SEL1L3: variants seen among roughly 807,000 people sequenced by gnomAD.
The protein encoded by SEL1L3 is SEL1L family member 3.
SEL1L3 carries 76 observed loss-of-function variants against 142.8 expected under a neutral mutation model. The ratio of observed to expected loss-of-function variants is 0.53; its 90% confidence interval spans 0.44 to 0.64. The LOEUF is 0.64. Ranked by LOEUF, SEL1L3 falls within the 30% of genes least tolerant of loss-of-function variation. The pLI is 0.00. For synonymous variants in SEL1L3, 504 were observed against 519.6 expected (o/e 0.97, Z 0.41); for missense variants, 1,262 against 1,381.7 (o/e 0.91, Z 1.37).
intron 9 of SEL1L3, among the ~76,000 whole-genome samples, chr4:25,808,915 A>AT (rs1369651110): frequency 1.0e-3 from 20 of 19,490 alleles, no homozygotes; most frequent in African/African-American, 1.5e-3. Context: ...CTAAAAATAC[A>AT]AAAAAAAATT....
At chr4:25,828,005 GAGA>G (rs1195960196) in intron 6 of SEL1L3, among the ~76,000 whole-genome samples, 1 of 152,166 alleles carries the variant, frequency 6.6e-6, no homozygotes, top group Non-Finnish European at 1.5e-5. Context: ...GAACTTTTCA[GAGA>G]AGATCTCCTA....
At chr4:25,742,676 T>C (rs924684371), downstream of SEL1L3, among the ~76,000 whole-genome samples, 12 of 150,646 alleles carry the variant, frequency 8.0e-5, no homozygotes, top group Non-Finnish European at 1.8e-4. Flanking sequence ...TTTACAACTG[T>C]GTCATTACTG....
intron 17 of SEL1L3, among the ~76,000 whole-genome samples, chr4:25,772,923 G>A (rs184346661): frequency 7.9e-5 from 12 of 152,150 alleles, no homozygotes; most frequent in African/African-American, 2.6e-4. Context: ...TCAGCCTCCC[G>A]AGTAGCTGAG....
chr4:25,731,065 C>T, the SEL1L3 span, among the ~76,000 whole-genome samples: 1 of 152,160 alleles, frequency 6.6e-6, no homozygotes, highest in Non-Finnish European at 1.5e-5. Flanking sequence ...CAGATCTTTT[C>T]AGCTCTCTAG....
Position 25,788,361 on chromosome 4 carries a change from GTTGC to G in SEL1L3, c.2077-1_2079del. ...CCCCAGAACAGCATCTGGGCCAATC[GTTGC>G]TTAAAGATAATAGCAATTTAGAACA... On this transcript the variant is annotated splice_acceptor_variant and coding_sequence_variant, in exon 13 of 24. Coordinates refer to ENST00000399878, the MANE Select transcript of SEL1L3 (RefSeq NM_015187.5). LOFTEE classifies it high-confidence loss of function. This position sits in a 1 kb window ranked among gnomAD's most constrained non-coding sequence, Gnocchi z 5.3. 1 of 1,613,660 alleles carries G rather than the reference GTTGC, an allele frequency of 6.2e-7. No individual in the cohort carries two copies.
chr4:25,820,533 G>A (rs4535327), intron 7 of SEL1L3, among the ~76,000 whole-genome samples: 1 of 152,262 alleles, frequency 6.6e-6, no homozygotes, highest in Non-Finnish European at 1.5e-5. Flanking sequence ...AAGGGACTTA[G>A]CTCAGTGTGC....
At chr4:25,857,056 A>T (rs1165688299) in intron 1 of SEL1L3, among the ~76,000 whole-genome samples, 2 of 152,204 alleles carry the variant, frequency 1.3e-5, no homozygotes, top group Admixed American at 6.5e-5. Flanking sequence ...ACTGTGGCTC[A>T]TGAGGGCTTT....
intron 10 of SEL1L3, 97 bp from the exon 11 acceptor site, chr4:25,802,559 T>C: frequency 2.1e-6 from 2 of 970,014 alleles, no homozygotes; most frequent in Admixed American, 2.7e-5. Flanking sequence ...CTATATACAA[T>C]CCTAGCCATT....
At chr4:25,730,509 T>C in the SEL1L3 span, among the ~76,000 whole-genome samples, 1 of 152,058 alleles carries the variant, frequency 6.6e-6, no homozygotes, top group Non-Finnish European at 1.5e-5. Context: ...CTCCAACACA[T>C]ACGCACAATT....
chr4:25,752,536 G>A (rs147785211), intron 23 of SEL1L3, among the ~76,000 whole-genome samples: 90 of 152,206 alleles, frequency 5.9e-4, no homozygotes, highest in African/African-American at 2.0e-3. Context: ...TTTATGTGTG[G>A]GTATTACCTA....
At chr4:25,727,287 C>T in the SEL1L3 span, among the ~76,000 whole-genome samples, 1 of 152,068 alleles carries the variant, frequency 6.6e-6, no homozygotes, top group Non-Finnish European at 1.5e-5. Context: ...CTCTTGACCT[C>T]GTGATCCGCC....
chr4:25,778,685 C>T (rs545755972), intron 16 of SEL1L3, among the ~76,000 whole-genome samples: 10 of 152,066 alleles, frequency 6.6e-5, no homozygotes, highest in South Asian at 6.2e-4. Flanking sequence ...CTTTATCCTT[C>T]GCAGTGGGAC....
chr4:25,782,472 C>G, intron 14 of SEL1L3, 54 bp from the exon 15 acceptor site: 1 of 1,484,290 alleles, frequency 6.7e-7, no homozygotes, highest in Non-Finnish European at 9.2e-7. Flanking sequence ...ATCTAGAGAG[C>G]TCTGGAAGCA....
At chr4:25,770,064 G>A (rs968037728) in intron 17 of SEL1L3, among the ~76,000 whole-genome samples, 1 of 152,110 alleles carries the variant, frequency 6.6e-6, no homozygotes, top group Non-Finnish European at 1.5e-5. Flanking sequence ...AAAGGTGGAG[G>A]TTGCAGTGAG....
chr4:25,750,497 A>G (rs947550005), intron 23 of SEL1L3, among the ~76,000 whole-genome samples: 1 of 152,166 alleles, frequency 6.6e-6, no homozygotes, highest in Non-Finnish European at 1.5e-5. Flanking sequence ...TGTTTGCACA[A>G]AGGAGGTATA....
intron 1 of SEL1L3, among the ~76,000 whole-genome samples, chr4:25,852,422 A>C (rs919334246): frequency 6.6e-6 from 1 of 152,196 alleles, no homozygotes; most frequent in African/African-American, 2.4e-5. Flanking sequence ...TATACCCAGC[A>C]TTTGTCCATA....
At chr4:25,730,037 C>A in the SEL1L3 span, among the ~76,000 whole-genome samples, 2 of 151,910 alleles carry the variant, frequency 1.3e-5, no homozygotes, top group African/African-American at 4.8e-5. Context: ...TGGCTCACTG[C>A]AACCTCCACC....
intron 9 of SEL1L3, among the ~76,000 whole-genome samples, chr4:25,808,804 G>GGGCGCCTGTAATCC (rs1713780422): frequency 1.3e-5 from 2 of 152,230 alleles, no homozygotes; most frequent in Non-Finnish European, 2.9e-5. Context: ...GTGCAGTGGC[G>GGGCGCCTGTAATCC]CACGCCTGTA....
chr4:25,835,225 T>C lies in SEL1L3; in HGVS notation c.832A>G (p.Thr278Ala), dbSNP rs1560344188. 1 of 1,613,986 alleles carries C rather than the reference T, an allele frequency of 6.2e-7. No individual in the cohort carries two copies. The highest frequency in any genetic ancestry group is 8.5e-7 in the Non-Finnish European group (1 of 1,179,886). Residue 278 changes from threonine to alanine, a missense_variant, in exon 3 of 24, where the codon ACT becomes GCT. Transcript: ENST00000399878. ...PRFRNRELEA[T>A]RRQRMDYPVF... ...GGGTAATCCATCCTCTGGCGTCGAG[T>C]GGCCTCCAGCTCTCGGTTCCGAAAC...
Sources: allele counts gnomAD v4.1 joint callset (sites outside exome capture counted in the v4.1 genomes callset), GRCh38; gene constraint gnomAD v4.1.1; non-coding constraint Gnocchi (gnomAD v3.1); transcripts MANE v1.5; gene names NCBI Gene and HGNC (gene_info 2026-07-23, HGNC 2026-07-21).